PRKG1: variants seen among roughly 807,000 people sequenced by gnomAD.
PRKG1 encodes the protein cGMP-dependent protein kinase 1.
PRKG1 carries 35 observed loss-of-function variants against 88.1 expected under a neutral mutation model. The observed-to-expected ratio is 0.40, with a 90% CI of 0.30 to 0.53. The LOEUF is 0.53. PRKG1 is among the 20% of genes least tolerant of loss of function. The probability of loss-of-function intolerance (pLI) is 0.59; values close to 1 mark genes in which losing one functional copy is unlikely to be tolerated. For synonymous variants in PRKG1, 303 were observed against 292.5 expected, an observed-to-expected ratio of 1.04 and a Z score of -0.37; for missense variants, 540 against 839.8, an observed-to-expected ratio of 0.64 and a Z score of 4.41.
chr10:51,123,616 G>A (rs564265851), intron 1 of PRKG1, among the ~76,000 whole-genome samples: 1 of 151,890 alleles, frequency 6.6e-6, no homozygotes, highest in South Asian at 2.1e-4. Context: ...CACCCGGGAG[G>A]TGGAGGTTGC....
At chr10:51,855,794 G>A (rs1402057321) in intron 4 of PRKG1, among the ~76,000 whole-genome samples, 1 of 152,080 alleles carries the variant, frequency 6.6e-6, no homozygotes, top group East Asian at 1.9e-4. Flanking sequence ...CAAGAAAAAA[G>A]CGTTTATTGG....
chr10:51,378,832 A>G (rs1588896284), intron 2 of PRKG1, among the ~76,000 whole-genome samples: 1 of 152,172 alleles, frequency 6.6e-6, no homozygotes, highest in East Asian at 1.9e-4. Flanking sequence ...TTCATATTAG[A>G]CATTTAAGAC....
At position 51,413,121 on chromosome 10, in the gene PRKG1, C is replaced by G. The variant is rs193040757; in HGVS notation, c.479-54602C>G. 2.5e-3 allele frequency among the ~76,000 whole-genome samples: 379 copies of G among 152,308 alleles called. 1 individual carries two copies. The highest frequency in any genetic ancestry group is 3.5e-3 in the Non-Finnish European group (238 of 68,024). On this transcript the variant is annotated intron_variant, in intron 2 of 17. Transcript: ENST00000373980. ...AGAAATGTTAAGATTGTTCCTAATT[C>G]AAAATGACAAATATGATTTGCTATT...
chr10:51,560,734 A>G (rs1564550202), intron 3 of PRKG1, among the ~76,000 whole-genome samples: 1 of 152,094 alleles, frequency 6.6e-6, no homozygotes, highest in Non-Finnish European at 1.5e-5. Context: ...GGTTTAAAAT[A>G]AAGACCAATT....
At chr10:51,839,512 T>C (rs2132771707) in intron 4 of PRKG1, among the ~76,000 whole-genome samples, 1 of 152,320 alleles carries the variant, frequency 6.6e-6, no homozygotes, top group South Asian at 2.1e-4. Context: ...AAATTATGAC[T>C]CACTGATTTT....
chr10:52,109,150 C>A (rs1484090227), intron 7 of PRKG1, among the ~76,000 whole-genome samples: 1 of 152,000 alleles, frequency 6.6e-6, no homozygotes, highest in East Asian at 1.9e-4. Context: ...ATTGGCATCA[C>A]CTTATACTCT....
At chr10:51,652,670 A>G (rs1390925672) in intron 3 of PRKG1, among the ~76,000 whole-genome samples, 1 of 152,256 alleles carries the variant, frequency 6.6e-6, no homozygotes, top group Non-Finnish European at 1.5e-5. Context: ...GTTTTGATAT[A>G]TGAATACATT....
At chr10:52,126,477 CCTT>C (rs1204292300) in intron 7 of PRKG1, among the ~76,000 whole-genome samples, 1 of 151,924 alleles carries the variant, frequency 6.6e-6, no homozygotes, top group African/African-American at 2.4e-5. Context: ...TTATTTTCCC[CCTT>C]TTTTTGTAAT....
chr10:51,333,764 A>G (rs1419569286), intron 2 of PRKG1, among the ~76,000 whole-genome samples: 1 of 152,190 alleles, frequency 6.6e-6, no homozygotes, highest in Non-Finnish European at 1.5e-5. Context: ...TAGAGATGCT[A>G]CAGATGGAAG....
chr10:51,580,473 C>T (rs10998322), intron 3 of PRKG1, among the ~76,000 whole-genome samples: 10,525 of 152,078 alleles, frequency 0.069, 1,203 homozygotes, highest in African/African-American at 0.24. Flanking sequence ...TACTTTTAAT[C>T]GGTATGTTTC....
At chr10:51,291,914 A>G (rs1840593018) in intron 2 of PRKG1, among the ~76,000 whole-genome samples, 2 of 152,142 alleles carry the variant, frequency 1.3e-5, no homozygotes, top group Admixed American at 1.3e-4. Context: ...AGTGTTTTAA[A>G]ATCACCCTTT....
At chr10:52,177,835 T>C (rs1283973142) in intron 9 of PRKG1, among the ~76,000 whole-genome samples, 1 of 152,062 alleles carries the variant, frequency 6.6e-6, no homozygotes, top group Non-Finnish European at 1.5e-5. Context: ...GTGGTCTCTA[T>C]TGTGATGTCT....
chr10:52,293,094 A>G (rs1439138979), intron 17 of PRKG1, among the ~76,000 whole-genome samples: 2 of 150,088 alleles, frequency 1.3e-5, no homozygotes, highest in Non-Finnish European at 3.0e-5. Context: ...TACAAAAATC[A>G]CAAGCATTCT....
chr10:52,015,306 G>A (rs371831262), intron 5 of PRKG1, among the ~76,000 whole-genome samples: 21 of 152,310 alleles, frequency 1.4e-4, no homozygotes, highest in South Asian at 8.3e-4. Flanking sequence ...AAGCTGCCAC[G>A]GTTTGGGGCT....
At chr10:52,013,359 C>A (rs1844948245) in intron 5 of PRKG1, among the ~76,000 whole-genome samples, 1 of 149,632 alleles carries the variant, frequency 6.7e-6, no homozygotes, top group African/African-American at 2.5e-5. Flanking sequence ...GCGGAGCTTG[C>A]AGTGAGCTGA....
At chr10:51,925,047 G>T (rs899910748) in intron 5 of PRKG1, among the ~76,000 whole-genome samples, 1 of 150,616 alleles carries the variant, frequency 6.6e-6, no homozygotes, top group African/African-American at 2.4e-5. Context: ...ACATGGTTTT[G>T]GTTCTAAGGC....
chr10:51,150,220 G>A (rs200103199), intron 1 of PRKG1, among the ~76,000 whole-genome samples: 18 of 151,994 alleles, frequency 1.2e-4, no homozygotes, highest in South Asian at 4.2e-4. Context: ...TTGTGATATC[G>A]GCTTTCCCCA....
chr10:51,535,117 C>A (rs1842114583), intron 3 of PRKG1, among the ~76,000 whole-genome samples: 1 of 152,020 alleles, frequency 6.6e-6, no homozygotes, highest in South Asian at 2.1e-4. Flanking sequence ...TATAGTCAAT[C>A]TATTTTATTT....
chr10:51,551,148 G>T (rs1837119736), intron 3 of PRKG1, among the ~76,000 whole-genome samples: 1 of 151,744 alleles, frequency 6.6e-6, no homozygotes, highest in Admixed American at 6.6e-5. Flanking sequence ...CTCACATAAT[G>T]GGTATTTAAC....
Sources: gnomAD v4.1 joint callset for allele counts (sites outside exome capture counted in the v4.1 genomes callset) on GRCh38, gnomAD v4.1.1 for gene constraint, MANE v1.5 for transcripts, NCBI Gene and HGNC (gene_info 2026-07-23, HGNC 2026-07-21) for gene names.